Variants in EYS observed in about 807,000 individuals in gnomAD.
EYS encodes protein eyes shut homolog.
In EYS, 250 loss-of-function variants were observed where a neutral mutation model predicts 282.1. The ratio of observed to expected loss-of-function variants is 0.89; its 90% confidence interval spans 0.80 to 0.98. EYS has a LOEUF of 0.98. Among genes scored for constraint, EYS ranks in the 50% least tolerant of loss-of-function variants. The probability of loss-of-function intolerance (pLI) is 0.00; values close to 1 mark genes in which losing one functional copy is unlikely to be tolerated. For missense variants in EYS, 4,016 were observed against 3,709.0 expected, an observed-to-expected ratio of 1.08 and a Z score of -2.15; for synonymous variants, 1,355 against 1,282.9, an observed-to-expected ratio of 1.06 and a Z score of -1.20.
rs564377639 is a variant in EYS at position 64,551,990 on chromosome 6, A to C, written c.5644+38233T>G. ...CAGCGATATTGGGCAGGCTGGTCTC[A>C]AACTCCTGACTTCACGTGATTCACC... is the stretch of plus-strand genomic sequence containing the variant. On this transcript the variant is annotated intron_variant, in intron 26 of 42. Coordinates refer to ENST00000503581, the MANE Select transcript of EYS (RefSeq NM_001142800.2). Among the ~76,000 whole-genome samples, 73 of 152,210 alleles carry C rather than the reference A, an allele frequency of 4.8e-4. 1 individual carries two copies. Among genetic ancestry groups the C allele is most frequent in the African/African-American group, 1.8e-3 (73 of 41,546 alleles).
At chr6:64,743,969 A>T (rs2149963334) in intron 22 of EYS, among the ~76,000 whole-genome samples, 1 of 152,252 alleles carries the variant, frequency 6.6e-6, no homozygotes, top group East Asian at 1.9e-4. Flanking sequence ...CTATTTCTAG[A>T]ATAATTCTAT....
chr6:64,692,132 T>C (rs1464941069), intron 22 of EYS, among the ~76,000 whole-genome samples: 2 of 152,196 alleles, frequency 1.3e-5, no homozygotes, highest in Admixed American at 1.3e-4. Flanking sequence ...TAAATAAGTG[T>C]TCCCTTTTCT....
rs1049995537 is a variant in EYS, at chr6:64,970,404, G to T, written c.2260-24490C>A. On this transcript the variant is annotated intron_variant, in intron 14 of 42. Coordinates refer to ENST00000503581, the MANE Select transcript of EYS (RefSeq NM_001142800.2). ...GTAGAGATGGGGTTTCGTCATGTTGGCCAGGCTGGTCTGGAATCCTTGACC... is the reference window on the plus strand; with the variant it reads ...GTAGAGATGGGGTTTCGTCATGTTGTCCAGGCTGGTCTGGAATCCTTGACC... 9.2e-5 allele frequency among the ~76,000 whole-genome samples: 14 copies of T among 152,016 alleles called. No individual in the cohort carries two copies. The South Asian group carries it at 2.9e-3, about 32-fold the overall frequency.
At position 64,093,071 on chromosome 6, in the gene EYS, T is replaced by C. The variant is rs1440701693; in HGVS notation, c.6425-11069A>G. 7.6e-4 allele frequency among the ~76,000 whole-genome samples: 115 copies of C among 152,256 alleles called. 1 individual carries two copies. The highest frequency in any genetic ancestry group is 1.2e-3 in the South Asian group (6 of 4,808). On this transcript the variant is annotated intron_variant, in intron 31 of 42. Coordinates refer to ENST00000503581, the MANE Select transcript of EYS (RefSeq NM_001142800.2). ...CAAATATCAGATAGTTGTAGATATG[T>C]GGCATTATTTCTGAGGGCTGTGTTC...
intron 12 of EYS, among the ~76,000 whole-genome samples, chr6:65,233,361 G>T (rs1471617070): frequency 1.3e-5 from 2 of 151,994 alleles, no homozygotes; most frequent in African/African-American, 4.8e-5. Flanking sequence ...TTGGTCATTT[G>T]TTTGCATAGT....
chr6:64,431,910 G>C (rs1000126108), intron 28 of EYS, among the ~76,000 whole-genome samples: 1 of 152,090 alleles, frequency 6.6e-6, no homozygotes, highest in Non-Finnish European at 1.5e-5. Context: ...ATATCTGCCA[G>C]TGTGTGGATT....
At chr6:64,151,317 TTATATATATATATATATATA>T (rs61575285) in intron 31 of EYS, among the ~76,000 whole-genome samples, 77 of 52,458 alleles carry the variant, frequency 1.5e-3, no homozygotes, top group African/African-American at 4.6e-3. Context: ...GTGTGTATAT[TTATATATATATATATATATA>T]TATATATATA....
chr6:65,145,925 T>C (rs1209774067), intron 12 of EYS, among the ~76,000 whole-genome samples: 1 of 151,912 alleles, frequency 6.6e-6, no homozygotes, highest in Non-Finnish European at 1.5e-5. Context: ...AAAACGTTTT[T>C]ACATTTTGGA....
intron 26 of EYS, among the ~76,000 whole-genome samples, chr6:64,454,648 T>C: frequency 6.6e-6 from 1 of 152,126 alleles, no homozygotes; most frequent in South Asian, 2.1e-4. Flanking sequence ...TAAATCTATA[T>C]GTAGGGTTGT....
chr6:65,430,560 C>A (rs1767846837), intron 5 of EYS, among the ~76,000 whole-genome samples: 1 of 152,196 alleles, frequency 6.6e-6, no homozygotes, highest in Admixed American at 6.5e-5. Context: ...TACAAAGACA[C>A]CAGCTGGGGC....
intron 12 of EYS, among the ~76,000 whole-genome samples, chr6:65,169,139 A>G (rs566741625): frequency 1.5e-3 from 225 of 151,572 alleles, no homozygotes; most frequent in Non-Finnish European, 2.4e-3. Context: ...GATAATTCAT[A>G]TATATGTTTT....
intron 26 of EYS, among the ~76,000 whole-genome samples, chr6:64,562,172 G>A (rs1052910084): frequency 6.6e-6 from 1 of 151,376 alleles, no homozygotes; most frequent in Non-Finnish European, 1.5e-5. Flanking sequence ...TCATCATCAG[G>A]ATTTTTTTTT....
intron 12 of EYS, among the ~76,000 whole-genome samples, chr6:65,122,800 A>T (rs1775600059): frequency 6.6e-6 from 1 of 152,126 alleles, no homozygotes; most frequent in Non-Finnish European, 1.5e-5. Context: ...TAAAATATCA[A>T]TTTTAGAAAT....
chr6:65,209,658 C>A (rs1398584518), intron 12 of EYS, among the ~76,000 whole-genome samples: 1 of 151,694 alleles, frequency 6.6e-6, no homozygotes, highest in Non-Finnish European at 1.5e-5. Context: ...GACATAGAAC[C>A]CAAAACATAT....
chr6:65,573,248 T>G (rs558772766), intron 2 of EYS, among the ~76,000 whole-genome samples: 4 of 151,884 alleles, frequency 2.6e-5, no homozygotes, highest in East Asian at 1.9e-4. Flanking sequence ...GAAGCAAAAA[T>G]GGAAAACATG....
chr6:64,608,921 G>T (rs1049221628), intron 24 of EYS, among the ~76,000 whole-genome samples: 1 of 152,138 alleles, frequency 6.6e-6, no homozygotes, highest in Admixed American at 6.6e-5. Context: ...ATTCACAGGA[G>T]GATCACAGAG....
At chr6:65,240,269 A>AT (rs1767025834) in intron 12 of EYS, among the ~76,000 whole-genome samples, 1 of 151,928 alleles carries the variant, frequency 6.6e-6, no homozygotes, top group Non-Finnish European at 1.5e-5. Context: ...TGCCCGGCTG[A>AT]TTTTTTTAAA....
chr6:65,239,150 C>T (rs1766996661), intron 12 of EYS, among the ~76,000 whole-genome samples: 1 of 152,018 alleles, frequency 6.6e-6, no homozygotes, highest in Admixed American at 6.5e-5. Flanking sequence ...GAATGAAAAA[C>T]TCATAGACAC....
intron 29 of EYS, among the ~76,000 whole-genome samples, chr6:64,319,700 T>TGGAC (rs1260178529): frequency 1.5e-4 from 15 of 100,392 alleles, no homozygotes; most frequent in Admixed American, 3.2e-4. Context: ...GATGGATGGA[T>TGGAC]GGATGGATGG....
Sources: gnomAD v4.1 joint callset for allele counts (sites outside exome capture counted in the v4.1 genomes callset) on GRCh38, gnomAD v4.1.1 for gene constraint, MANE v1.5 for transcripts, NCBI Gene and HGNC (gene_info 2026-07-23, HGNC 2026-07-21) for gene names.